Variants in MAGI2 observed in about 807,000 individuals in gnomAD.
MAGI2 encodes the protein membrane-associated guanylate kinase, WW and PDZ domain-containing protein 2.
Under a neutral mutation model 133.3 loss-of-function variants are expected in MAGI2, and 35 were observed. That is an observed-to-expected ratio of 0.26 (90% CI 0.20 to 0.35). The LOEUF (loss-of-function observed/expected upper bound fraction) is 0.35. MAGI2 is among the 10% of genes least tolerant of loss of function. The pLI is 1.00. For missense variants in MAGI2, 1,636 were observed against 1,863.4 expected, an observed-to-expected ratio of 0.88 and a Z score of 2.25; for synonymous variants, 729 against 710.6, an observed-to-expected ratio of 1.03 and a Z score of -0.41.
At chr7:78,448,891 A>G (rs994411072) in intron 6 of MAGI2, among the ~76,000 whole-genome samples, 1 of 152,010 alleles carries the variant, frequency 6.6e-6, no homozygotes, top group Non-Finnish European at 1.5e-5. Flanking sequence ...CAAGGAGTCA[A>G]TGACCCACAG....
chr7:78,346,177 G>C, intron 7 of MAGI2, 134 bp from the exon 8 acceptor site: 1 of 965,026 alleles, frequency 1.0e-6, no homozygotes, highest in Non-Finnish European at 1.5e-6. Flanking sequence ...CCCAGCACGC[G>C]GTCAGGCTCC....
At chr7:78,354,768 A>T (rs1445932204) in intron 7 of MAGI2, among the ~76,000 whole-genome samples, 1 of 152,222 alleles carries the variant, frequency 6.6e-6, no homozygotes, top group Non-Finnish European at 1.5e-5. Context: ...AACACAAAAA[A>T]TTAAGAAAAA....
At chr7:79,028,265 A>ATATATATATATATATG in intron 1 of MAGI2, among the ~76,000 whole-genome samples, 1 of 23,042 alleles carries the variant, frequency 4.3e-5, no homozygotes, top group African/African-American at 1.3e-4. Flanking sequence ...ATATATATAT[A>ATATATATATATATATG]TATGTATGTA....
chr7:78,449,643 G>C (rs1178056478), intron 6 of MAGI2, among the ~76,000 whole-genome samples: 1 of 151,994 alleles, frequency 6.6e-6, no homozygotes, highest in Middle Eastern at 3.2e-3. Context: ...TAGCCTTCCT[G>C]TTCTTCCTAT....
chr7:78,797,362 T>C (rs1365623835), intron 2 of MAGI2, among the ~76,000 whole-genome samples: 5 of 152,148 alleles, frequency 3.3e-5, no homozygotes, highest in African/African-American at 1.2e-4. Flanking sequence ...TTCTTTTTTC[T>C]TTTAATATAT....
chr7:79,294,212 G>T (rs188728516), intron 1 of MAGI2, among the ~76,000 whole-genome samples: 2 of 150,508 alleles, frequency 1.3e-5, no homozygotes, highest in East Asian at 3.9e-4. Flanking sequence ...AGAAAATAAT[G>T]AAGAATATGT....
chr7:79,309,597 TAAA>T (rs979157053), intron 1 of MAGI2, among the ~76,000 whole-genome samples: 14 of 151,956 alleles, frequency 9.2e-5, no homozygotes, highest in African/African-American at 3.4e-4. Context: ...AACAATCTAG[TAAA>T]AAATTAGTTT....
chr7:78,634,980 G>A (rs1809472446), intron 2 of MAGI2, among the ~76,000 whole-genome samples: 1 of 152,056 alleles, frequency 6.6e-6, no homozygotes, highest in African/African-American at 2.4e-5. Flanking sequence ...AGAACTGAAA[G>A]AGCAAAAATG....
chr7:78,446,637 A>C (rs1012547935), intron 6 of MAGI2, among the ~76,000 whole-genome samples: 8 of 152,060 alleles, frequency 5.3e-5, no homozygotes, highest in African/African-American at 1.9e-4. Flanking sequence ...TGTCCTCTGC[A>C]GTCAAGTTCT....
intron 2 of MAGI2, among the ~76,000 whole-genome samples, chr7:78,632,804 A>G (rs950967055): frequency 3.3e-5 from 5 of 152,238 alleles, no homozygotes; most frequent in Non-Finnish European, 7.3e-5. Context: ...TAGAGTGTAA[A>G]TTAGTTCAGC....
intron 2 of MAGI2, among the ~76,000 whole-genome samples, chr7:78,733,391 T>C (rs1003021351): frequency 6.6e-6 from 1 of 152,072 alleles, no homozygotes; most frequent in African/African-American, 2.4e-5. Flanking sequence ...TTATAATGCA[T>C]GTGAACAAGA....
chr7:78,481,416 A>G (rs1792359625), intron 6 of MAGI2, among the ~76,000 whole-genome samples: 1 of 151,982 alleles, frequency 6.6e-6, no homozygotes, highest in South Asian at 2.1e-4. Flanking sequence ...CCCATAATTC[A>G]GTCATTTCCC....
intron 10 of MAGI2, among the ~76,000 whole-genome samples, chr7:78,207,267 A>G (rs1048804909): frequency 4.6e-5 from 7 of 152,216 alleles, no homozygotes; most frequent in African/African-American, 1.7e-4. Flanking sequence ...AATAAACTGA[A>G]TTCACATTCT....
intron 7 of MAGI2, among the ~76,000 whole-genome samples, chr7:78,360,483 G>A (rs924026855): frequency 3.9e-5 from 6 of 152,220 alleles, no homozygotes; most frequent in Non-Finnish European, 4.4e-5. Context: ...CAGATTGTTA[G>A]CATGAGACAA....
chr7:79,279,307 C>T lies in MAGI2; in HGVS notation c.301+173713G>A, dbSNP rs538098554. ...TGGTTAATTCTCTTCCTCTGCCAACCCACTCCTTTCTGAAGGAACCAAGCC... is the reference window on the plus strand; with the variant it reads ...TGGTTAATTCTCTTCCTCTGCCAACTCACTCCTTTCTGAAGGAACCAAGCC... On this transcript the variant is annotated intron_variant, in intron 1 of 21. Coordinates refer to ENST00000354212, the MANE Select transcript of MAGI2 (RefSeq NM_012301.4). 3.4e-3 allele frequency among the ~76,000 whole-genome samples: 511 copies of T among 152,210 alleles called. 3 individuals are homozygous for T. The highest frequency in any genetic ancestry group is 0.012 in the African/African-American group (496 of 41,542).
chr7:78,297,403 T>C (rs543513743), intron 9 of MAGI2, among the ~76,000 whole-genome samples: 1 of 152,180 alleles, frequency 6.6e-6, no homozygotes, highest in Non-Finnish European at 1.5e-5. Flanking sequence ...AGTTCAACCA[T>C]TGTGGAAGTC....
At chr7:78,395,704 C>T (rs17350367) in intron 6 of MAGI2, among the ~76,000 whole-genome samples, 39,761 of 152,108 alleles carry the variant, frequency 0.26, 5,771 homozygotes, top group Middle Eastern at 0.35. Flanking sequence ...ACCGGTGCTA[C>T]TCTTTTTTCT....
chr7:78,825,652 C>G (rs1053256973), intron 2 of MAGI2, among the ~76,000 whole-genome samples: 1 of 152,158 alleles, frequency 6.6e-6, no homozygotes, highest in Non-Finnish European at 1.5e-5. Context: ...TTCTTTCACT[C>G]TTTAGCTAAG....
intron 1 of MAGI2, among the ~76,000 whole-genome samples, chr7:79,292,797 A>AT (rs1836607805): frequency 6.9e-6 from 1 of 144,758 alleles, no homozygotes; most frequent in African/African-American, 2.6e-5. Flanking sequence ...AAAAAAAAAA[A>AT]AAAGGCAGCT....
Sources: allele counts gnomAD v4.1 joint callset (sites outside exome capture counted in the v4.1 genomes callset), GRCh38; gene constraint gnomAD v4.1.1; transcripts MANE v1.5; gene names NCBI Gene and HGNC (gene_info 2026-07-23, HGNC 2026-07-21).